Variants in JMJD4 observed in about 807,000 individuals in gnomAD.
JMJD4 encodes the protein jumonji domain containing 4.
A neutral mutation model predicts 36.3 loss-of-function variants in JMJD4; 34 were observed. The observed-to-expected ratio is 0.94, with a 90% confidence interval of 0.71 to 1.25. The LOEUF (loss-of-function observed/expected upper bound fraction) is 1.25. Among genes scored for constraint, JMJD4 ranks in the 50% most tolerant of loss-of-function variants. The pLI is 0.00. For missense variants in JMJD4, 584 were observed against 559.1 expected (o/e 1.04, Z -0.45); for synonymous variants, 269 against 235.3 (o/e 1.14, Z -1.31).
At chr1:227,734,155 A>G (rs984331029) in intron 2 of JMJD4, 123 bp from the exon 3 acceptor site, 1 of 1,145,308 alleles carries the variant, frequency 8.7e-7, no homozygotes, top group Non-Finnish European at 1.2e-6. Flanking sequence ...GCAGCCCCCA[A>G]AGAGCCCCAG....
intron 2 of JMJD4, 176 bp from the exon 3 acceptor site, chr1:227,734,208 G>C: frequency 1.5e-6 from 1 of 681,388 alleles, no homozygotes; most frequent in Non-Finnish European, 2.4e-6. Flanking sequence ...GAGGGGGCGG[G>C]GCAGTCTGAC....
Position 227,735,126 on chromosome 1 carries a change from G to C in JMJD4, c.148C>G (p.Leu50Val). Residue 50 changes from leucine to valine, a missense_variant, in exon 1 of 6, where the codon CTG becomes GTG. Leu to Val is a conservative substitution (Grantham distance 32, BLOSUM62 1). Transcript: ENST00000620518. ...GAAAACACGCAGGGCAGGTTGGGCA[G>C]CAAGAAGCCCCGCACAAAGTCGGCG... ...SYADFVRGFLLPNLPCVFSSA... is the reference protein window; with the variant it reads ...SYADFVRGFLVPNLPCVFSSA... The C allele has an allele frequency of 1.9e-6, 3 of 1,578,924 alleles. No homozygotes were observed. The highest frequency in any genetic ancestry group is 2.3e-5 in the South Asian group (2 of 87,132).
At chr1:227,734,884 G>A (rs1046687846) in intron 1 of JMJD4, 68 bp from the exon 2 acceptor site, 12 of 1,590,126 alleles carry the variant, frequency 7.5e-6, no homozygotes, top group Admixed American at 3.4e-5. Context: ...GTCTGCAGAG[G>A]AACTCTCCAG....
At chr1:227,734,967 C>T (rs1469026563) in intron 1 of JMJD4, 45 bp downstream of exon 1, 2 of 1,502,354 alleles carry the variant, frequency 1.3e-6, no homozygotes, top group Non-Finnish European at 1.8e-6. Context: ...GCCTGGGTCC[C>T]GCCGGCCTTT....
At chr1:227,733,273 C>T (rs1660796300) in intron 4 of JMJD4, 141 bp downstream of exon 4, 11 of 965,628 alleles carry the variant, frequency 1.1e-5, no homozygotes, top group African/African-American at 3.3e-5. Context: ...TAGGCCTCAG[C>T]GACACCACCT....
rs778446496 is a variant in JMJD4 at position 227,732,372 on chromosome 1, T to A, written c.*20A>T. 5.0e-6 allele frequency: 8 copies of A among 1,608,568 alleles called. No individual in the cohort carries two copies. The highest frequency in any genetic ancestry group is 6.8e-6 in the Non-Finnish European group (8 of 1,177,618). On this transcript the variant is annotated 3_prime_UTR_variant, in exon 6 of 6. Coordinates refer to ENST00000620518, the MANE Select transcript of JMJD4 (RefSeq NM_023007.3). ...GAGGCTGCCTCTCTTCCACCCGTCC[T>A]TCTATCCTCACGACAGGTGCTATGG... is the stretch of plus-strand genomic sequence containing the variant.
chr1:227,733,762 TGAA>T (rs1170967020), intron 3 of JMJD4, 81 bp from the exon 4 acceptor site: 5 of 1,590,380 alleles, frequency 3.1e-6, no homozygotes, highest in Non-Finnish European at 4.3e-6. Flanking sequence ...CTGGTCCAAC[TGAA>T]GGAGGGGTGG....
chr1:227,735,153 A>G lies in JMJD4; in HGVS notation c.121T>C (p.Tyr41His). 6 of 1,581,744 alleles carry G rather than the reference A, an allele frequency of 3.8e-6. No individual in the cohort carries two copies. The highest frequency in any genetic ancestry group is 5.2e-6 in the Non-Finnish European group (6 of 1,164,724). ...AFVSEPGAFS[Y>H]ADFVRGFLLP... is the part of the protein sequence containing the mutation. ...AAGAAGCCCCGCACAAAGTCGGCGT[A>G]GGAGAAGGCGCCCGGCTCCGAGACG... The change falls in exon 1 of 6, where the codon TAC (tyrosine) becomes CAC (histidine). Residue 41 changes from tyrosine (Y) to histidine (H), a missense_variant. By Grantham distance (83) the Tyr-to-His change is moderately conservative. Transcript: ENST00000620518.
At chr1:227,733,824 GC>G (rs1314297110) in intron 3 of JMJD4, 82 bp downstream of exon 3, 2 of 1,592,808 alleles carry the variant, frequency 1.3e-6, no homozygotes, top group Non-Finnish European at 1.7e-6. Context: ...GTGCCAAGCA[GC>G]CCCCCTCCTG....
In JMJD4 at chr1:227,732,395, T is replaced by C. The variant is rs368092354; in HGVS notation, c.1251A>G (p.Pro417=). 1.1e-5 allele frequency: 17 copies of C among 1,612,004 alleles called. No homozygotes were observed. The highest frequency in any genetic ancestry group is 1.4e-5 in the Non-Finnish European group (16 of 1,179,820). The change falls in exon 6 of 6, where the codon CCA becomes CCG. Residue 417 remains proline, a synonymous_variant. Coordinates refer to ENST00000620518, the MANE Select transcript of JMJD4 (RefSeq NM_023007.3). The part of the protein sequence containing the change: ...LREAVDAAAA[P] ...CCTTCTATCCTCACGACAGGTGCTATGGGGCCGCAGCAGCATCAACAGCCT... is the reference window on the plus strand; with the variant it reads ...CCTTCTATCCTCACGACAGGTGCTACGGGGCCGCAGCAGCATCAACAGCCT...
chr1:227,733,926 C>A lies in JMJD4; in HGVS notation c.535G>T (p.Ala179Ser), dbSNP rs530501299. ...LDVDDYRFVY[A>S]GPAGSWSPFH... ...CCTCACCAGCTGCCCGCAGGCCCCG[C>A]GTAGACAAAGCGGTAGTCATCCACA... Residue 179 changes from alanine (A) to serine (S), a missense_variant, in exon 3 of 6, where the codon GCG becomes TCG. Transcript: ENST00000620518. The A allele has an allele frequency of 2.1e-5, 34 of 1,613,768 alleles. No homozygotes were observed. The highest frequency in any genetic ancestry group is 2.9e-5 in the Non-Finnish European group (34 of 1,179,968).
Position 227,733,475 on chromosome 1 carries a change from G to A in JMJD4, c.761C>T (p.Thr254Met), listed in dbSNP as rs754222389. ...NQLAGPPLEI[T>M]QEAGEMVFVP... ...AAACACCATCTCGCCCGCTTCCTGC[G>A]TGATCTCCAAGGGTGGGCCAGCAAG... Residue 254 changes from threonine to methionine, a missense_variant, in exon 4 of 6, where the codon ACG (threonine) becomes ATG (methionine). Coordinates refer to ENST00000620518, the MANE Select transcript of JMJD4 (RefSeq NM_023007.3). The A allele has an allele frequency of 1.1e-5, 17 of 1,593,082 alleles. No homozygotes were observed. The highest frequency in any genetic ancestry group is 3.3e-4 in the Middle Eastern group (2 of 5,998).
In JMJD4 at chr1:227,732,249, A is replaced by C. The variant is rs1333501620; in HGVS notation, c.*143T>G. ...GGGCCTCACCTGAAAACAGGCACCCAGGCAGTGGCCATGAACAGCCAGGCC... is the reference window on the plus strand; with the variant it reads ...GGGCCTCACCTGAAAACAGGCACCCCGGCAGTGGCCATGAACAGCCAGGCC... On this transcript the variant is annotated 3_prime_UTR_variant, in exon 6 of 6. Coordinates refer to ENST00000620518, the MANE Select transcript of JMJD4 (RefSeq NM_023007.3). 6.3e-6 allele frequency: 6 copies of C among 948,324 alleles called. No homozygotes were observed. In the African/African-American group the frequency reaches 9.9e-5, roughly 16 times the overall value. The allele number at this position is 948,324 out of a possible 1,614,324, so 58.7% of individuals were successfully genotyped here.
chr1:227,735,217 A>G lies in JMJD4; in HGVS notation c.57T>C (p.Asp19=), dbSNP rs2295994. 1.3e-6 allele frequency: 2 copies of G among 1,588,702 alleles called. No homozygotes were observed. The highest frequency in any genetic ancestry group is 2.3e-5 in the East Asian group (1 of 43,206). ...CCGGAGCCTGGCCGACGCCGGGGAC[A>G]TCGACCCCCAGGCCTCGGAAGTGGC... ...ADSHFRGLGV[D]VPGVGQAPGR... The change falls in exon 1 of 6, where the codon GAT becomes GAC. Residue 19 remains aspartate (D), a synonymous_variant. Coordinates refer to ENST00000620518, the MANE Select transcript of JMJD4 (RefSeq NM_023007.3).
rs1660928747 is a variant in JMJD4, at chr1:227,734,523, C to T, written c.428+128G>A. ...GGAAGACAATCCAGTTTCTTTTAAA[C>T]TGATTAAAGTGCCTCACGGGGAAAA... On this transcript the variant is annotated intron_variant, in intron 2 of 5. Transcript: ENST00000620518. 11 of 806,212 alleles carry T rather than the reference C, an allele frequency of 1.4e-5. No homozygotes were observed. In the South Asian group the frequency reaches 1.9e-4, roughly 14 times the overall value. 49.9% of individuals were successfully genotyped at this position (806,212 alleles called of 1,614,324 possible).
In JMJD4 at chr1:227,733,956, G is replaced by A; in HGVS notation, c.505C>T (p.Leu169=). 1.9e-6 allele frequency: 3 copies of A among 1,613,948 alleles called. No homozygotes were observed. Among genetic ancestry groups the A allele is most frequent in the Non-Finnish European group, 2.5e-6 (3 of 1,180,020 alleles). The change falls in exon 3 of 6, where the codon CTG becomes TTG. Residue 169 remains leucine, a synonymous_variant. Transcript: ENST00000620518. The part of the protein sequence containing the change: ...SDWLNEFWDA[L]DVDDYRFVYA... ...ACAAAGCGGTAGTCATCCACATCCA[G>A]TGCATCCCAGAACTCATTCAGCCAG...
chr1:227,732,777 T>C (rs1660751978), intron 5 of JMJD4, 101 bp from the exon 6 acceptor site: 1 of 1,591,114 alleles, frequency 6.3e-7, no homozygotes, highest in Non-Finnish European at 8.5e-7. Context: ...GAAGGGACCA[T>C]TAAGACAGAG....
chr1:227,733,110 C>A, intron 4 of JMJD4, 83 bp from the exon 5 acceptor site: 3 of 1,472,034 alleles, frequency 2.0e-6, no homozygotes, highest in Non-Finnish European at 2.8e-6. Flanking sequence ...CAGGAACCCA[C>A]TGTGGGGTCC....
Position 227,734,756 on chromosome 1 carries a change from T to A in JMJD4, c.323A>T (p.Glu108Val), listed in dbSNP as rs1470360030. 6.2e-7 allele frequency: 1 copy of A among 1,614,146 alleles called. No individual in the cohort carries two copies. The highest frequency in any genetic ancestry group is 1.7e-5 in the Admixed American group (1 of 60,024). ...GATGTAGTCTCTGAGAGTCATGTGC[T>A]CTTTGGGGTTCGAGTTGTATTCCTG... Reference protein sequence around the residue: ...GVQEYNSNPKEHMTLRDYITY... With the variant: ...GVQEYNSNPKVHMTLRDYITY... The change falls in exon 2 of 6, where the codon GAG becomes GTG. Residue 108 changes from glutamate (E) to valine (V), a missense_variant. Coordinates refer to ENST00000620518, the MANE Select transcript of JMJD4 (RefSeq NM_023007.3).
Sources: gnomAD v4.1 joint callset for allele counts on GRCh38, gnomAD v4.1.1 for gene constraint, MANE v1.5 for transcripts, NCBI Gene and HGNC (gene_info 2026-07-23, HGNC 2026-07-21) for gene names.